The following MICAL1 variants were observed in gnomAD, a reference collection of about 807,000 sequenced individuals.
The protein encoded by MICAL1 is microtubule associated monooxygenase, calponin and LIM domain containing 1, also known as [F-actin]-monooxygenase MICAL1.
Under a neutral mutation model 131.8 loss-of-function variants are expected in MICAL1, and 95 were observed. The ratio of observed to expected loss-of-function variants is 0.72; its 90% confidence interval spans 0.61 to 0.86. The LOEUF is 0.86. Among genes scored for constraint, MICAL1 ranks in the 40% least tolerant of loss-of-function variants. The pLI is 0.00. For synonymous variants in MICAL1, 546 were observed against 554.2 expected (o/e 0.99, Z 0.21); for missense variants, 1,292 against 1,380.6 (o/e 0.94, Z 1.02).
intron 13 of MICAL1, 102 bp downstream of exon 13, chr6:109,448,101 C>CTGT: frequency 7.8e-7 from 1 of 1,281,576 alleles, no homozygotes; most frequent in Non-Finnish European, 1.0e-6. Flanking sequence ...CTTTCTGACA[C>CTGT]ACACACACAC....
Position 109,446,781 on chromosome 6 carries a change from G to A in MICAL1, c.2228-9C>T, listed in dbSNP as rs752157227. On this transcript the variant is annotated splice_polypyrimidine_tract_variant and intron_variant, in intron 17 of 24. Coordinates refer to ENST00000358807, the MANE Select transcript of MICAL1 (RefSeq NM_022765.4). ...GAGGCAGTAGAAATGTCCTGGAAAG[G>A]GTAGAGAGGGGAGGAGGCATTTGGT... The A allele has an allele frequency of 1.9e-6, 3 of 1,612,298 alleles. No homozygotes were observed. The highest frequency in any genetic ancestry group is 2.2e-5 in the South Asian group (2 of 90,696).
Position 109,447,862 on chromosome 6 carries a change from C to T in MICAL1, c.1944+13G>A, listed in dbSNP as rs1259804098. The T allele has an allele frequency of 2.5e-6, 4 of 1,613,046 alleles. No individual in the cohort carries two copies. The highest frequency in any genetic ancestry group is 1.7e-5 in the Admixed American group (1 of 59,952). On this transcript the variant is annotated intron_variant, in intron 14 of 24. Transcript: ENST00000358807. ...CCTCCCTGCTCAGCTCCAGCCCTGC[C>T]TAAACTCTCCACCTTGGCCCGGGAT...
chr6:109,447,330 TGCCTGCACACAAA>T lies in MICAL1; in HGVS notation c.2070+14_2070+26del. The T allele has an allele frequency of 6.2e-7, 1 of 1,613,606 alleles. No individual in the cohort carries two copies. The highest frequency in any genetic ancestry group is 2.2e-5 in the East Asian group (1 of 44,814). ...CCCTGCCCTGCCCTCCCCGGGCCTCTGCCTGCACACAAAGCCTGGCTCTCACCTCCTGGTGTTG... is the reference window on the plus strand; with the variant it reads ...CCCTGCCCTGCCCTCCCCGGGCCTCTGCCTGGCTCTCACCTCCTGGTGTTG... On this transcript the variant is annotated intron_variant, in intron 16 of 24. Transcript: ENST00000358807.
chr6:109,457,795 C>T (rs1775793581), upstream of MICAL1, among the ~76,000 whole-genome samples: 2 of 152,142 alleles, frequency 1.3e-5, no homozygotes, highest in Non-Finnish European at 1.5e-5. Context: ...GATCAGAGAA[C>T]AATAATGAGT....
chr6:109,446,467 C>G lies in MICAL1; in HGVS notation c.2305-55G>C, dbSNP rs1305511846. 2.0e-6 allele frequency: 3 copies of G among 1,475,810 alleles called. No individual in the cohort carries two copies. In the South Asian group the frequency reaches 3.6e-5, roughly 18 times the overall value. The allele number at this position is 1,475,810 out of a possible 1,614,324, so 91.4% of individuals were successfully genotyped here. On this transcript the variant is annotated intron_variant, in intron 18 of 24. Transcript: ENST00000358807. ...GGGGGGTGAGGCCACCCCTTCGGAG[C>G]AAAGGTGAGCCTTGGCATTCATTCA... is the stretch of plus-strand genomic sequence containing the variant.
intron 11 of MICAL1, 122 bp from the exon 12 acceptor site, chr6:109,449,001 GGGCACCA>G: frequency 7.5e-7 from 1 of 1,330,376 alleles, no homozygotes; most frequent in Non-Finnish European, 1.0e-6. Flanking sequence ...ACCTCTACTA[GGGCACCA>G]GCCTAAAGCT....
At chr6:109,448,694 G>A (rs1775363585) in intron 12 of MICAL1, 38 bp downstream of exon 12, 1 of 1,611,670 alleles carries the variant, frequency 6.2e-7, no homozygotes, top group Admixed American at 1.7e-5. Context: ...CTCCTACACT[G>A]AGATCATGAG....
upstream of MICAL1, among the ~76,000 whole-genome samples, chr6:109,457,555 AGAGACCATAAGAGATCCC>A (rs1331442140): frequency 1.5e-5 from 1 of 65,438 alleles, no homozygotes. Flanking sequence ...TAAGAGATCC[AGAGACCATAAGAGATCCC>A]GAGACAGTCC....
intron 15 of MICAL1, 63 bp downstream of exon 15, chr6:109,447,618 A>G: frequency 6.2e-7 from 1 of 1,608,238 alleles, no homozygotes; most frequent in Non-Finnish European, 8.5e-7. Flanking sequence ...AATAGGGAAG[A>G]CAGTACCAGG....
At chr6:109,451,507 G>T in intron 7 of MICAL1, 93 bp downstream of exon 7, 1 of 1,485,044 alleles carries the variant, frequency 6.7e-7, no homozygotes, top group South Asian at 1.2e-5. Flanking sequence ...GAGAGGACGG[G>T]GTCCCCACAC....
chr6:109,445,783 T>C lies in MICAL1; in HGVS notation c.2661A>G (p.Ser887=). ...CTGGCCCACTCACCTGTTCCACATC[T>C]GAGTCCAAAGGCACATCTTCTTCTT... ...EEEEEDVPLD[S]DVEQALQTFA... is the part of the protein sequence containing the mutation. Residue 887 remains serine (S), a synonymous_variant, in exon 20 of 25, where the codon TCA becomes TCG. Transcript: ENST00000358807. 1.1e-5 allele frequency: 17 copies of C among 1,611,360 alleles called. No individual in the cohort carries two copies. Among genetic ancestry groups the C allele is most frequent in the Non-Finnish European group, 1.4e-5 (17 of 1,178,992 alleles).
intron 15 of MICAL1, 47 bp downstream of exon 15, chr6:109,447,634 G>A: frequency 6.2e-7 from 1 of 1,613,088 alleles, no homozygotes; most frequent in Non-Finnish European, 8.5e-7. Flanking sequence ...CCAGGAAAGG[G>A]GATAAAATGT....
At chr6:109,451,392 G>A (rs1468815266) in intron 7 of MICAL1, among the ~76,000 whole-genome samples, 4 of 152,124 alleles carry the variant, frequency 2.6e-5, no homozygotes, top group Non-Finnish European at 5.9e-5. Context: ...GACCTCAGGT[G>A]ATCCACCCAC....
chr6:109,449,839 C>G, intron 9 of MICAL1, 56 bp from the exon 10 acceptor site: 1 of 1,587,058 alleles, frequency 6.3e-7, no homozygotes, highest in Non-Finnish European at 8.6e-7. Flanking sequence ...CTGTCAGCAC[C>G]CACCTCTCAG....
rs1775658942 is a variant in MICAL1 at position 109,454,209 on chromosome 6, G to C, written c.-13C>G. 2 of 1,585,870 alleles carry C rather than the reference G, an allele frequency of 1.3e-6. No homozygotes were observed. Among genetic ancestry groups the C allele is most frequent in the African/African-American group, 2.7e-5 (2 of 74,132 alleles). On this transcript the variant is annotated 5_prime_UTR_variant, in exon 2 of 25. Transcript: ENST00000358807. ...TAGGTGAAGCCATGGAGGCCTCCTG[G>C]GGAGGGCAGCAGCTGGGCAGAGATG...
chr6:109,447,758 T>C (rs1475235662), intron 14 of MICAL1, 36 bp from the exon 15 acceptor site: 1 of 1,613,968 alleles, frequency 6.2e-7, no homozygotes, highest in South Asian at 1.1e-5. Context: ...GTGTGATGTT[T>C]TGAGGTCCCA....
rs771792242 is a variant in MICAL1, at chr6:109,452,243, G to GA, written c.832+2dup. ...GGGGAAATTCAGCAAGAGGGTCCCT[G>GA]ACCTGTGGCTTTGAGAAGGCTCTGG... On this transcript the variant is annotated splice_region_variant and intron_variant, in intron 6 of 24. Coordinates refer to ENST00000358807, the MANE Select transcript of MICAL1 (RefSeq NM_022765.4). 1.9e-6 allele frequency: 3 copies of GA among 1,612,166 alleles called. No individual in the cohort carries two copies. The African/African-American group carries it at 4.0e-5, about 22-fold the overall frequency.
intron 16 of MICAL1, 61 bp from the exon 17 acceptor site, chr6:109,447,290 C>T (rs755350569): frequency 2.5e-6 from 4 of 1,613,964 alleles, no homozygotes; most frequent in Non-Finnish European, 3.4e-6. Flanking sequence ...AAGTTCTTTC[C>T]CTCCCATGAA....
At chr6:109,460,999 G>A (rs1322814332) in intron 1 of MICAL1, among the ~76,000 whole-genome samples, 1 of 152,020 alleles carries the variant, frequency 6.6e-6, no homozygotes, top group Non-Finnish European at 1.5e-5. Flanking sequence ...TAGGGTACAT[G>A]TGCACAACAT....
Sources: gnomAD v4.1 joint callset for allele counts (sites outside exome capture counted in the v4.1 genomes callset) on GRCh38, gnomAD v4.1.1 for gene constraint, MANE v1.5 for transcripts, NCBI Gene and HGNC (gene_info 2026-07-23, HGNC 2026-07-21) for gene names.